Variants in KLHL5 observed in about 807,000 individuals in gnomAD.
The protein encoded by KLHL5 is kelch-like protein 5.
Under a neutral mutation model 77.7 loss-of-function variants are expected in KLHL5, and 48 were observed. That is an observed-to-expected ratio of 0.62 (90% CI 0.49 to 0.79). The LOEUF is 0.79. Among genes scored for constraint, KLHL5 ranks in the 30% least tolerant of loss-of-function variants. The pLI is 0.00. For synonymous variants in KLHL5, 260 were observed against 297.0 expected, an observed-to-expected ratio of 0.88 and a Z score of 1.28; for missense variants, 723 against 859.7, an observed-to-expected ratio of 0.84 and a Z score of 1.99.
At chr4:39,059,416 G>A (rs1211448645), upstream of KLHL5, among the ~76,000 whole-genome samples, 1 of 151,918 alleles carries the variant, frequency 6.6e-6, no homozygotes, top group African/African-American at 2.4e-5. Flanking sequence ...AAACCAAATG[G>A]GATACCATTA....
chr4:39,078,063 G>A (rs1469924377), intron 2 of KLHL5, among the ~76,000 whole-genome samples: 1 of 152,164 alleles, frequency 6.6e-6, no homozygotes, highest in East Asian at 1.9e-4. Flanking sequence ...TCATAAGTGG[G>A]AGCTAAGCTA....
upstream of KLHL5, among the ~76,000 whole-genome samples, chr4:39,058,701 G>A (rs1243340456): frequency 1.0e-3 from 153 of 152,022 alleles, 1 homozygote; most frequent in Non-Finnish European, 2.1e-4. Context: ...TTAAAAAATA[G>A]TATAAGTATA....
chr4:39,081,246 A>AG lies in KLHL5; in HGVS notation c.703+8dup. The AG allele has an allele frequency of 6.3e-7, 1 of 1,584,608 alleles. No individual in the cohort carries two copies. The highest frequency in any genetic ancestry group is 8.6e-7 in the Non-Finnish European group (1 of 1,168,684). ...ATCCAGTATGCTTATACAGGTAACG[A>AG]GTCTGAAAATGTAAATTAAAACCTC... On this transcript the variant is annotated splice_region_variant and intron_variant, in intron 3 of 10. Coordinates refer to ENST00000504108, the MANE Select transcript of KLHL5 (RefSeq NM_015990.5). This position sits in a 1 kb window ranked among gnomAD's most constrained non-coding sequence, Gnocchi z 4.3.
chr4:39,061,105 T>C (rs1457998917), upstream of KLHL5, among the ~76,000 whole-genome samples: 1 of 152,188 alleles, frequency 6.6e-6, no homozygotes, highest in African/African-American at 2.4e-5. Flanking sequence ...AACTGGCCCA[T>C]ACCACTCCAT....
chr4:39,112,971 A>T, intron 8 of KLHL5, 49 bp from the exon 9 acceptor site: 2 of 1,526,984 alleles, frequency 1.3e-6, no homozygotes, highest in South Asian at 1.1e-5. Context: ...CTTTGTTCTA[A>T]GCATAATGGC....
At chr4:39,067,156 G>A (rs1330394208) in intron 1 of KLHL5, among the ~76,000 whole-genome samples, 2 of 151,994 alleles carry the variant, frequency 1.3e-5, no homozygotes, top group African/African-American at 2.4e-5. Flanking sequence ...CCAAGATATC[G>A]CATTACATTA....
chr4:39,066,265 G>A lies in KLHL5; in HGVS notation c.383+3230G>A, dbSNP rs577254530. Among the ~76,000 whole-genome samples the A allele has an allele frequency of 1.3e-3, 193 of 152,254 alleles. 2 individuals carry two copies. Among genetic ancestry groups the A allele is most frequent in the African/African-American group, 4.0e-3 (168 of 41,566 alleles). ...ATAGGATCCTAAGTCCTTAATTGAG[G>A]AGGAATTCATACCAGGGCTAGCAAA... On this transcript the variant is annotated intron_variant, in intron 1 of 10. Transcript: ENST00000504108.
chr4:39,108,666 C>G (rs1722220368), intron 8 of KLHL5, among the ~76,000 whole-genome samples: 1 of 151,736 alleles, frequency 6.6e-6, no homozygotes, highest in Non-Finnish European at 1.5e-5. Context: ...TTTATTTTAG[C>G]TAAAGAAATC....
chr4:39,067,140 T>G (rs1717958477), intron 1 of KLHL5, among the ~76,000 whole-genome samples: 1 of 152,188 alleles, frequency 6.6e-6, no homozygotes, highest in Non-Finnish European at 1.5e-5. Flanking sequence ...TGTTCGAGGA[T>G]CCTATCCAAG....
chr4:39,078,116 C>T (rs910602201), intron 2 of KLHL5, among the ~76,000 whole-genome samples: 8 of 152,130 alleles, frequency 5.3e-5, no homozygotes, highest in East Asian at 1.9e-4. Flanking sequence ...AGGCCAGGCG[C>T]GATGGCTCAC....
chr4:39,112,283 T>C (rs2109571116), intron 8 of KLHL5, among the ~76,000 whole-genome samples: 1 of 152,358 alleles, frequency 6.6e-6, no homozygotes, highest in Non-Finnish European at 1.5e-5. Flanking sequence ...TGATAACCTA[T>C]ATCCTTTTCT....
In KLHL5 at chr4:39,062,310, A is replaced by G. The variant is rs1717488353; in HGVS notation, c.-343A>G. 1 of 1,387,170 alleles carries G rather than the reference A, an allele frequency of 7.2e-7. No individual in the cohort carries two copies. Among genetic ancestry groups the G allele is most frequent in the South Asian group, 1.7e-5 (1 of 59,172 alleles). 85.9% of individuals were successfully genotyped at this position (1,387,170 alleles called of 1,614,324 possible). A position where few individuals can be genotyped will look rare whatever the true frequency, so the allele number is the denominator to read the frequency against. ...GGGGTGGTGTTCTGCATTTGAAAGG[A>G]CTTTAATGAATGCTGTCAGTGTTTG... On this transcript the variant is annotated 5_prime_UTR_variant, in exon 1 of 11. Transcript: ENST00000504108.
chr4:39,106,459 G>A (rs12649085), intron 7 of KLHL5, among the ~76,000 whole-genome samples: 76,772 of 151,994 alleles, frequency 0.51, 19,574 homozygotes, highest in Admixed American at 0.58. Context: ...GCCCTTACCC[G>A]TTATATTCTA....
rs71643268 is a variant in KLHL5, at chr4:39,124,802, C to CAA, written c.*3759_*3760dup. 2.3e-3 allele frequency among the ~76,000 whole-genome samples: 101 copies of CAA among 44,104 alleles called. 1 individual carries two copies. Among genetic ancestry groups the CAA allele is most frequent in the African/African-American group, 5.6e-3 (76 of 13,548 alleles). 28.9% of individuals were successfully genotyped at this position (44,104 alleles called of 152,430 possible). On this transcript the variant is annotated 3_prime_UTR_variant, in exon 11 of 11. Transcript: ENST00000504108. ...GCACCAAAAGCACAAGCAACAACAG[C>CAA]AAAAAAAAAAAAAAAAAAAAAAAAT...
chr4:39,114,350 C>A (rs1722680600), intron 9 of KLHL5, among the ~76,000 whole-genome samples: 1 of 152,196 alleles, frequency 6.6e-6, no homozygotes, highest in Non-Finnish European at 1.5e-5. Context: ...CTCACAGGAA[C>A]TAATGCATTC....
chr4:39,127,988 C>T (rs181595964), downstream of KLHL5, among the ~76,000 whole-genome samples: 7 of 152,310 alleles, frequency 4.6e-5, no homozygotes, highest in African/African-American at 1.7e-4. Flanking sequence ...CAGAGACGGA[C>T]TGGCAGAGTG....
At chr4:39,141,151 AAGAAT>A in the KLHL5 span, among the ~76,000 whole-genome samples, 1 of 152,178 alleles carries the variant, frequency 6.6e-6, no homozygotes, top group African/African-American at 2.4e-5. Flanking sequence ...TTTAAACTTA[AAGAAT>A]AAAAACACAA....
At chr4:39,068,464 T>A (rs923980932) in intron 1 of KLHL5, among the ~76,000 whole-genome samples, 2 of 151,606 alleles carry the variant, frequency 1.3e-5, no homozygotes, top group African/African-American at 4.9e-5. Flanking sequence ...TGTGTGTGTG[T>A]GAAATATTTC....
intron 10 of KLHL5, among the ~76,000 whole-genome samples, chr4:39,117,630 G>A (rs1343134443): frequency 6.6e-6 from 1 of 152,150 alleles, no homozygotes. Flanking sequence ...GGAATGATGA[G>A]AGAAGTTCTC....
Sources: gnomAD v4.1 joint callset for allele counts (sites outside exome capture counted in the v4.1 genomes callset) on GRCh38, gnomAD v4.1.1 for gene constraint, Gnocchi (gnomAD v3.1) non-coding constraint, MANE v1.5 for transcripts, NCBI Gene and HGNC (gene_info 2026-07-23, HGNC 2026-07-21) for gene names.